The following MGRN1 variants were observed in gnomAD, a reference collection of about 807,000 sequenced individuals.
The protein encoded by MGRN1 is mahogunin ring finger 1, also known as E3 ubiquitin-protein ligase MGRN1.
A neutral mutation model predicts 69.2 loss-of-function variants in MGRN1; 29 were observed. That is an observed-to-expected ratio of 0.42 (90% confidence interval 0.31 to 0.57). The LOEUF (loss-of-function observed/expected upper bound fraction) is 0.57, where lower values mean the gene tolerates loss of function less well. Ranked by LOEUF, MGRN1 falls within the 20% of genes least tolerant of loss-of-function variation. MGRN1 has a pLI of 0.15. For missense variants in MGRN1, 998 were observed against 796.2 expected, an observed-to-expected ratio of 1.25 and a Z score of -3.05; for synonymous variants, 470 against 344.2, an observed-to-expected ratio of 1.37 and a Z score of -4.04.
Position 4,686,537 on chromosome 16 carries a change from G to A in MGRN1, c.1619-2259G>A. ...TTCGGGGCCAGAGGTCTCTCCATCT[G>A]GACTAGGCGGCCGGTCAGGCTCTTC... On this transcript the variant is annotated intron_variant, in intron 16 of 16. Coordinates refer to ENST00000262370, the MANE Select transcript of MGRN1 (RefSeq NM_015246.4). The A allele has an allele frequency of 3.7e-6, 5 of 1,362,584 alleles. No individual in the cohort carries two copies. The East Asian group carries it at 1.4e-4, about 38-fold the overall frequency. The allele number at this position is 1,362,584 out of a possible 1,614,324, so 84.4% of individuals were successfully genotyped here. A position where few individuals can be genotyped will look rare whatever the true frequency, so the allele number is the denominator to read the frequency against.
intron 1 of MGRN1, among the ~76,000 whole-genome samples, chr16:4,627,523 C>T (rs1897738804): frequency 2.0e-5 from 3 of 152,378 alleles, no homozygotes; most frequent in Admixed American, 1.3e-4. Context: ...CGCGGTGGCT[C>T]ACGCCTATAA....
intron 16 of MGRN1, chr16:4,687,329 A>C (rs1440086830): frequency 1.0e-6 from 1 of 971,954 alleles, no homozygotes; most frequent in African/African-American, 1.8e-5. Flanking sequence ...GGGATAGATC[A>C]CTTGAGCCCA....
At chr16:4,669,321 C>G (rs2078887304) in intron 8 of MGRN1, 1 of 151,260 alleles carries the variant, frequency 6.6e-6, no homozygotes, top group African/African-American at 2.4e-5. Context: ...GTAATCTCAG[C>G]AACTCAGGAG....
intron 16 of MGRN1, among the ~76,000 whole-genome samples, chr16:4,685,695 G>A (rs2079296254): frequency 6.6e-6 from 1 of 152,226 alleles, no homozygotes; most frequent in Non-Finnish European, 1.5e-5. Flanking sequence ...AAATCCATGT[G>A]GTGGCCCCTC....
intron 8 of MGRN1, among the ~76,000 whole-genome samples, chr16:4,668,532 C>T (rs754739484): frequency 3.9e-5 from 6 of 151,910 alleles, no homozygotes; most frequent in African/African-American, 1.2e-4. Flanking sequence ...AACACACAGA[C>T]ACACACATAC....
intron 1 of MGRN1, among the ~76,000 whole-genome samples, chr16:4,633,391 T>C (rs1898107417): frequency 7.3e-6 from 1 of 137,674 alleles, no homozygotes; most frequent in African/African-American, 2.8e-5. Context: ...CTTTATTTAT[T>C]GAAAAATTAA....
At chr16:4,671,513 C>T (rs992714248) in intron 9 of MGRN1, 54 bp downstream of exon 9, 47 of 1,527,774 alleles carry the variant, frequency 3.1e-5, no homozygotes, top group Non-Finnish European at 4.1e-5. Context: ...ACACCAGGAG[C>T]AGCCGCGGAC....
rs758808663 is a variant in MGRN1 at position 4,681,755 on chromosome 16, C to T, written c.1337C>T (p.Pro446Leu). Residue 446 changes from proline (P) to leucine (L), a missense_variant, in exon 13 of 17, where the codon CCG (proline) becomes CTG (leucine). Transcript: ENST00000262370. ...ILDSSRQKGR[P>L]QSKAPDSTLR... is the part of the protein sequence containing the mutation. ...GACAGCAGCCGCCAGAAGGGCAGGC[C>T]GCAGAGCAAGGCCCCCGACAGGTGA... The T allele has an allele frequency of 3.6e-5, 58 of 1,612,014 alleles. No homozygotes were observed. The highest frequency in any genetic ancestry group is 8.0e-5 in the African/African-American group (6 of 74,932).
intron 16 of MGRN1, among the ~76,000 whole-genome samples, chr16:4,685,018 A>C (rs918262018): frequency 1.3e-5 from 2 of 152,260 alleles, no homozygotes; most frequent in African/African-American, 4.8e-5. Flanking sequence ...GCCTGTGCTC[A>C]TGGGCTGGGC....
At chr16:4,687,148 G>C in intron 16 of MGRN1, 1 of 985,366 alleles carries the variant, frequency 1.0e-6, no homozygotes, top group Non-Finnish European at 1.2e-6. Flanking sequence ...CCCAGTACTG[G>C]AACCTTCTGG....
In MGRN1 at chr16:4,687,400, T is replaced by G. The variant is rs2079352035; in HGVS notation, c.1619-1396T>G. On this transcript the variant is annotated intron_variant, in intron 16 of 16. Transcript: ENST00000262370. ...TCTCTATGAAAAATAAAAAATTGGC[T>G]TGGGCGTGGTAGCTTGTGCCTGTGG... 4.4e-6 allele frequency: 4 copies of G among 906,870 alleles called. No homozygotes were observed. In the South Asian group the frequency reaches 2.0e-4, roughly 46 times the overall value. The allele number at this position is 906,870 out of a possible 1,614,324, so 56.2% of individuals were successfully genotyped here. A position where few individuals can be genotyped will look rare whatever the true frequency, so the allele number is the denominator to read the frequency against.
At chr16:4,657,664 G>A (rs182336687) in intron 5 of MGRN1, among the ~76,000 whole-genome samples, 2 of 152,160 alleles carry the variant, frequency 1.3e-5, no homozygotes, top group Admixed American at 1.3e-4. Flanking sequence ...AGCAATGCAG[G>A]GTCTGTTCAC....
At chr16:4,671,993 C>T (rs1392980179) in intron 9 of MGRN1, among the ~76,000 whole-genome samples, 3 of 152,190 alleles carry the variant, frequency 2.0e-5, no homozygotes. Flanking sequence ...GTGGCCTCCG[C>T]CTCCCGGGTT....
At chr16:4,677,153 C>G (rs1444823493) in intron 10 of MGRN1, 1 of 251,936 alleles carries the variant, frequency 4.0e-6, no homozygotes, top group Non-Finnish European at 7.6e-6. Flanking sequence ...CATGGCCTTG[C>G]TGTGTTTCCT....
intron 5 of MGRN1, among the ~76,000 whole-genome samples, chr16:4,662,583 T>C (rs552931599): frequency 6.6e-6 from 1 of 152,224 alleles, no homozygotes; most frequent in South Asian, 2.1e-4. Context: ...GCAGTGTCTC[T>C]GTGCTGGGTC....
chr16:4,680,853 C>G (rs1000219895), intron 12 of MGRN1, among the ~76,000 whole-genome samples: 3 of 152,220 alleles, frequency 2.0e-5, no homozygotes, highest in African/African-American at 7.2e-5. Flanking sequence ...TCTCACTTTC[C>G]CCTTCCTTCC....
chr16:4,650,694 G>A, intron 2 of MGRN1: 1 of 433,260 alleles, frequency 2.3e-6, no homozygotes, highest in Non-Finnish European at 4.1e-6. Context: ...AGATGGCCAG[G>A]GGCAGGTCAC....
chr16:4,686,409 G>T, intron 16 of MGRN1: 5 of 1,471,994 alleles, frequency 3.4e-6, no homozygotes, highest in Non-Finnish European at 4.5e-6. Context: ...TTGGGTCTTC[G>T]TCCGCATCCG....
chr16:4,652,541 A>G (rs1049037195), intron 3 of MGRN1, 137 bp from the exon 4 acceptor site: 10 of 1,138,218 alleles, frequency 8.8e-6, no homozygotes, highest in Middle Eastern at 2.9e-4. Flanking sequence ...CAAATAGGAA[A>G]CAGCCCCTAT....
Sources: allele counts gnomAD v4.1 joint callset (sites outside exome capture counted in the v4.1 genomes callset), GRCh38; gene constraint gnomAD v4.1.1; transcripts MANE v1.5; gene names NCBI Gene and HGNC (gene_info 2026-07-23, HGNC 2026-07-21).